The following APBB2 variants were observed in gnomAD, a reference collection of about 807,000 sequenced individuals.
APBB2 encodes amyloid beta precursor protein binding family B member 2.
In APBB2, 38 loss-of-function variants were observed where a neutral mutation model predicts 82.5. The ratio of observed to expected loss-of-function variants is 0.46; its 90% CI spans 0.36 to 0.60. The LOEUF (loss-of-function observed/expected upper bound fraction) is 0.60, where lower values mean the gene tolerates loss of function less well. Among genes scored for constraint, APBB2 ranks in the 20% least tolerant of loss-of-function variants. The pLI, the probability that APBB2 is intolerant of heterozygous loss-of-function variation, is 0.00. For missense variants in APBB2, 772 were observed against 972.3 expected (o/e 0.79, Z 2.74); for synonymous variants, 341 against 368.2 (o/e 0.93, Z 0.85).
intron 1 of APBB2, among the ~76,000 whole-genome samples, chr4:41,172,150 A>G (rs1445968452): frequency 5.9e-5 from 9 of 152,158 alleles, no homozygotes; most frequent in Non-Finnish European, 1.3e-4. Context: ...TTGCCTCTAA[A>G]ACAAAGACCA....
chr4:41,042,077 G>A (rs757139233), intron 4 of APBB2, among the ~76,000 whole-genome samples: 73 of 152,034 alleles, frequency 4.8e-4, no homozygotes, highest in Non-Finnish European at 9.6e-4. Context: ...TGCAGCCTCC[G>A]CCTCCTGCAT....
intron 5 of APBB2, among the ~76,000 whole-genome samples, chr4:41,022,920 T>C (rs1408380505): frequency 6.6e-6 from 1 of 152,200 alleles, no homozygotes; most frequent in Non-Finnish European, 1.5e-5. Context: ...ATCCTTGATA[T>C]ATCAGAGAAA....
At chr4:41,174,408 C>T (rs1323098154) in intron 1 of APBB2, among the ~76,000 whole-genome samples, 1 of 152,092 alleles carries the variant, frequency 6.6e-6, no homozygotes, top group Non-Finnish European at 1.5e-5. Flanking sequence ...TCTGCTTAAC[C>T]ACCCTGCCAA....
chr4:41,040,318 C>T lies in APBB2; in HGVS notation c.-50-7014G>A, dbSNP rs558990376. 1.4e-4 allele frequency among the ~76,000 whole-genome samples: 21 copies of T among 152,260 alleles called. No homozygotes were observed. The East Asian group carries it at 2.5e-3, about 18-fold the overall frequency. ...CTTTAAGGTTTTAAACATTTTCCCC[C>T]GGAGAACTAAGCCTTATTTCCAGAT... On this transcript the variant is annotated intron_variant, in intron 4 of 17. Transcript: ENST00000508593.
intron 10 of APBB2, among the ~76,000 whole-genome samples, chr4:40,904,275 A>G (rs1365413407): frequency 6.6e-6 from 1 of 152,126 alleles, no homozygotes; most frequent in Non-Finnish European, 1.5e-5. Context: ...TACTAAAAAT[A>G]CAAAAATTAG....
At chr4:41,186,055 G>A (rs1043579381) in intron 1 of APBB2, among the ~76,000 whole-genome samples, 5 of 152,182 alleles carry the variant, frequency 3.3e-5, no homozygotes, top group African/African-American at 1.2e-4. Context: ...TATAGCACAA[G>A]AATGTCTTAC....
At position 40,816,204 on chromosome 4, in the gene APBB2, G is replaced by A. The variant is rs774875932; in HGVS notation, c.2168C>T (p.Pro723Leu). 2 of 1,614,210 alleles carry A rather than the reference G, an allele frequency of 1.2e-6. No individual in the cohort carries two copies. Among genetic ancestry groups the A allele is most frequent in the Non-Finnish European group, 1.7e-6 (2 of 1,180,050 alleles). Residue 723 changes from proline to leucine, a missense_variant, in exon 18 of 18, where the codon CCT (proline) becomes CTT (leucine). Physicochemically the swap from Pro to Leu is moderately conservative, Grantham distance 98. Transcript: ENST00000508593. ...ARPPSQKVRP[P>L]PPPADSVTRR... ...GGTTACTGAATCTGCTGGCGGTGGA[G>A]GTGGTCGAACTTTCTGAGAAGGCGG...
intron 10 of APBB2, among the ~76,000 whole-genome samples, chr4:40,926,001 T>G (rs1219309746): frequency 6.6e-6 from 1 of 151,966 alleles, no homozygotes; most frequent in Non-Finnish European, 1.5e-5. Flanking sequence ...AACAAAAGAG[T>G]AAGGAGGCAC....
intron 6 of APBB2, among the ~76,000 whole-genome samples, chr4:40,989,456 A>G (rs1159139805): frequency 6.6e-6 from 1 of 152,224 alleles, no homozygotes; most frequent in African/African-American, 2.4e-5. Context: ...TGTAAAAACA[A>G]TGTGCAGATG....
At chr4:41,200,828 A>C (rs1386236217) in intron 1 of APBB2, among the ~76,000 whole-genome samples, 1 of 152,126 alleles carries the variant, frequency 6.6e-6, no homozygotes, top group Non-Finnish European at 1.5e-5. Context: ...CAGTGTTACA[A>C]TCTAGTAGCT....
At chr4:41,192,851 C>G (rs1293196264) in intron 1 of APBB2, among the ~76,000 whole-genome samples, 1 of 152,154 alleles carries the variant, frequency 6.6e-6, no homozygotes, top group East Asian at 1.9e-4. Flanking sequence ...ATTTTACACT[C>G]TCTATGTATC....
rs1745024489 is a variant in APBB2 at position 40,814,150 on chromosome 4, A to T, written c.*1942T>A. On this transcript the variant is annotated 3_prime_UTR_variant, in exon 18 of 18. Coordinates refer to ENST00000508593, the MANE Select transcript of APBB2 (RefSeq NM_004307.2). ...TGTCTACCACAAGTAGCATCTGGAAAATCTCGTAGATGGAACAGGCTGTGA... is the reference window on the plus strand; with the variant it reads ...TGTCTACCACAAGTAGCATCTGGAATATCTCGTAGATGGAACAGGCTGTGA... 1 of 152,158 alleles carries T rather than the reference A, an allele frequency of 6.6e-6. No individual in the cohort carries two copies. Among genetic ancestry groups the T allele is most frequent in the African/African-American group, 2.4e-5 (1 of 41,414 alleles). 9.4% of individuals were successfully genotyped at this position (152,158 alleles called of 1,614,324 possible). A position where few individuals can be genotyped will look rare whatever the true frequency, so the allele number is the denominator to read the frequency against.
At chr4:40,875,864 T>C (rs1279407798) in intron 12 of APBB2, among the ~76,000 whole-genome samples, 1 of 152,232 alleles carries the variant, frequency 6.6e-6, no homozygotes, top group Non-Finnish European at 1.5e-5. Flanking sequence ...TAACCAGTTT[T>C]GTATCCACCT....
chr4:41,016,848 T>G (rs1318374152), intron 5 of APBB2, among the ~76,000 whole-genome samples: 1 of 151,900 alleles, frequency 6.6e-6, no homozygotes, highest in Non-Finnish European at 1.5e-5. Flanking sequence ...TATGCCATAT[T>G]TATTAGTTTA....
intron 11 of APBB2, 116 bp from the exon 12 acceptor site, chr4:40,890,607 G>GGC: frequency 7.2e-7 from 1 of 1,381,422 alleles, no homozygotes; most frequent in Non-Finnish European, 9.8e-7. Flanking sequence ...CCTGGGGTCT[G>GGC]TAATTTGTCT....
chr4:41,017,056 T>A (rs1242403773), intron 5 of APBB2, among the ~76,000 whole-genome samples: 1 of 151,882 alleles, frequency 6.6e-6, no homozygotes. Flanking sequence ...ACACCACACC[T>A]GGCTAATTTT....
At chr4:41,102,683 C>A (rs1745898959) in intron 2 of APBB2, among the ~76,000 whole-genome samples, 1 of 152,186 alleles carries the variant, frequency 6.6e-6, no homozygotes, top group South Asian at 2.1e-4. Context: ...TATCTGGTAT[C>A]CCGACTCCAT....
intron 12 of APBB2, among the ~76,000 whole-genome samples, chr4:40,855,105 T>C (rs1245637224): frequency 6.6e-6 from 1 of 152,210 alleles, no homozygotes; most frequent in Non-Finnish European, 1.5e-5. Flanking sequence ...CCCCTCGTTG[T>C]TTGCGCCTAC....
chr4:40,917,079 G>A (rs1317661544), intron 10 of APBB2, among the ~76,000 whole-genome samples: 2 of 152,156 alleles, frequency 1.3e-5, no homozygotes, highest in African/African-American at 4.8e-5. Flanking sequence ...TGTTGACTGC[G>A]GCTCATTACT....
Sources: allele counts gnomAD v4.1 joint callset (sites outside exome capture counted in the v4.1 genomes callset), GRCh38; gene constraint gnomAD v4.1.1; transcripts MANE v1.5; gene names NCBI Gene and HGNC (gene_info 2026-07-23, HGNC 2026-07-21).